The following SRRT variants were observed in gnomAD, a reference collection of about 807,000 sequenced individuals.
SRRT encodes serrate RNA effector molecule homolog.
A neutral mutation model predicts 103.2 loss-of-function variants in SRRT; 32 were observed. The ratio of observed to expected loss-of-function variants is 0.31; its 90% CI spans 0.23 to 0.42. The LOEUF (loss-of-function observed/expected upper bound fraction) is 0.42, where lower values mean the gene tolerates loss of function less well. SRRT is among the 10% of genes least tolerant of loss of function. The pLI is 1.00. For synonymous variants in SRRT, 525 were observed against 449.0 expected, an observed-to-expected ratio of 1.17 and a Z score of -2.14; for missense variants, 986 against 1,207.5, an observed-to-expected ratio of 0.82 and a Z score of 2.72.
At position 100,885,265 on chromosome 7, in the gene SRRT, C is replaced by T. The variant is rs1789984864; in HGVS notation, c.1212C>T (p.Pro404=). 1.2e-6 allele frequency: 2 copies of T among 1,614,114 alleles called. No individual in the cohort carries two copies. Among genetic ancestry groups the T allele is most frequent in the Middle Eastern group, 3.3e-4 (2 of 6,062 alleles). The part of the protein sequence containing the change: ...EKPKEEEWEK[P]KDAAGLECKP... ...CCAAGGAAGAAGAATGGGAGAAGCC[C>T]AAGGACGCCGCGGGGCTGGAGTGCA... The change falls in exon 10 of 20, where the codon CCC becomes CCT. Residue 404 remains proline, a synonymous_variant. Coordinates refer to ENST00000611405, the MANE Select transcript of SRRT (RefSeq NM_015908.6). This position sits in a 1 kb window ranked among gnomAD's most constrained non-coding sequence, Gnocchi z 4.8.
At chr7:100,875,387 CG>C in intron 1 of SRRT, 59 bp downstream of exon 1, 2 of 1,349,374 alleles carry the variant, frequency 1.5e-6, no homozygotes, top group South Asian at 3.1e-5. Context: ...CCGGGGTCCA[CG>C]GGGGCGGGCG....
At chr7:100,875,455 TG>T in intron 1 of SRRT, 117 bp from the exon 2 acceptor site, 1 of 1,537,902 alleles carries the variant, frequency 6.5e-7, no homozygotes, top group Non-Finnish European at 8.7e-7. Context: ...CCTAGGATGG[TG>T]GGGGCCGCGG....
rs369210024 is a variant in SRRT at position 100,888,401 on chromosome 7, C to T, written c.2555+18C>T. 1.1e-4 allele frequency: 172 copies of T among 1,613,218 alleles called. No homozygotes were observed. Among genetic ancestry groups the T allele is most frequent in the Non-Finnish European group, 1.4e-4 (171 of 1,179,520 alleles). On this transcript the variant is annotated intron_variant, in intron 19 of 19. Coordinates refer to ENST00000611405, the MANE Select transcript of SRRT (RefSeq NM_015908.6). ...CGCAACAGGTGAGGAGGGCAGACGC[C>T]CAAGCTTTGTTGCCGCCTGCAGACT...
chr7:100,881,112 T>C (rs1816264088), intron 2 of SRRT, among the ~76,000 whole-genome samples, 173 bp from the exon 3 acceptor site: 1 of 129,028 alleles, frequency 7.8e-6, no homozygotes, highest in African/African-American at 3.1e-5. Context: ...TTTTAAAAAA[T>C]AAAAAATTTT....
rs762969920 is a variant in SRRT at position 100,881,713 on chromosome 7, G to C, written c.306G>C (p.Gly102=). The C allele has an allele frequency of 7.4e-6, 12 of 1,613,968 alleles. No individual in the cohort carries two copies. Among genetic ancestry groups the C allele is most frequent in the African/African-American group, 2.7e-5 (2 of 74,946 alleles). The stretch of plus-strand genomic sequence containing the variant: ...GTGGCTATGAGATGCCCTATGCTGG[G>C]GGGGGTGGGGGCCCAACTTATGGCC... ...YHSGYEMPYA[G]GGGGPTYGPP... is the part of the protein sequence containing the mutation. The change falls in exon 4 of 20, where the codon GGG becomes GGC. Residue 102 remains glycine (G), a synonymous_variant. Coordinates refer to ENST00000611405, the MANE Select transcript of SRRT (RefSeq NM_015908.6).
chr7:100,881,355 C>T lies in SRRT; in HGVS notation c.193C>T (p.Arg65Cys), dbSNP rs564023894. 1.1e-5 allele frequency: 18 copies of T among 1,613,242 alleles called. No homozygotes were observed. The highest frequency in any genetic ancestry group is 1.4e-5 in the Non-Finnish European group (16 of 1,179,798). ...GGACTATGACCGGAATCGGCGAGAG[C>T]GCTTCTCGCCACCTCGCCACGAACT... is the stretch of plus-strand genomic sequence containing the variant. ...YRDYDRNRRE[R>C]FSPPRHELSP... Residue 65 changes from arginine to cysteine, a missense_variant, in exon 3 of 20, where the codon CGC becomes TGC. This residue lies in a region of SRRT where 274 missense variants were observed against 358.5 expected (regional missense o/e 0.76). Coordinates refer to ENST00000611405, the MANE Select transcript of SRRT (RefSeq NM_015908.6).
At position 100,887,109 on chromosome 7, in the gene SRRT, T is replaced by C. The variant is rs1790207055; in HGVS notation, c.1884T>C (p.Cys628=). Residue 628 remains cysteine (C), a synonymous_variant, in exon 15 of 20, where the codon TGT becomes TGC. Coordinates refer to ENST00000611405, the MANE Select transcript of SRRT (RefSeq NM_015908.6). The surrounding 1 kb of genome is among the most constrained non-coding windows in gnomAD (Gnocchi z 4.1). ...ATTCCTTGGATTATTACAACACCTG[T>C]GAGTACCCCAACGAGGACGAGATGC... is the stretch of plus-strand genomic sequence containing the variant. ...IVHSLDYYNT[C]EYPNEDEMPN... 1 of 1,614,208 alleles carries C rather than the reference T, an allele frequency of 6.2e-7. No homozygotes were observed. The highest frequency in any genetic ancestry group is 1.1e-5 in the South Asian group (1 of 91,092).
chr7:100,886,054 C>T lies in SRRT; in HGVS notation c.1458+113C>T, dbSNP rs564816449. On this transcript the variant is annotated intron_variant, in intron 12 of 19. Coordinates refer to ENST00000611405, the MANE Select transcript of SRRT (RefSeq NM_015908.6). ...TTGGTTGTTCTGCACACTCTTTGACCGTTTTGTCTGGCTACGTTGTCTCTG... is the reference window on the plus strand; with the variant it reads ...TTGGTTGTTCTGCACACTCTTTGACTGTTTTGTCTGGCTACGTTGTCTCTG... 139 of 1,383,944 alleles carry T rather than the reference C, an allele frequency of 1.0e-4. No homozygotes were observed. The South Asian group carries it at 1.1e-3, about 11-fold the overall frequency. 85.7% of individuals were successfully genotyped at this position (1,383,944 alleles called of 1,614,324 possible). A position where few individuals can be genotyped will look rare whatever the true frequency, so the allele number is the denominator to read the frequency against.
At chr7:100,886,515 T>C in intron 13 of SRRT, 80 bp downstream of exon 13, 3 of 1,424,154 alleles carry the variant, frequency 2.1e-6, no homozygotes, top group Non-Finnish European at 2.8e-6. Context: ...TACCTATCTG[T>C]AGCCTTGAAC....
Position 100,886,638 on chromosome 7 carries a change from A to G in SRRT, c.1648-157A>G, listed in dbSNP as rs1235962295. ...AGTGATCATTTGTGGCTGGGGTGGA[A>G]CAAAAGCTAAAATAAAGACAAATCT... is the stretch of plus-strand genomic sequence containing the variant. On this transcript the variant is annotated intron_variant, in intron 13 of 19. Coordinates refer to ENST00000611405, the MANE Select transcript of SRRT (RefSeq NM_015908.6). 103 of 1,030,102 alleles carry G rather than the reference A, an allele frequency of 1.0e-4. 1 individual carries two copies. The highest frequency in any genetic ancestry group is 1.4e-4 in the Non-Finnish European group (100 of 702,298). 63.8% of individuals were successfully genotyped at this position (1,030,102 alleles called of 1,614,324 possible).
chr7:100,876,340 C>T (rs1428670669), intron 2 of SRRT, among the ~76,000 whole-genome samples: 2 of 152,048 alleles, frequency 1.3e-5, no homozygotes, highest in East Asian at 1.9e-4. Flanking sequence ...TTAGTAGAGA[C>T]GGGGTTTCAC....
intron 13 of SRRT, 51 bp from the exon 14 acceptor site, chr7:100,886,744 A>G (rs1195487365): frequency 6.3e-6 from 10 of 1,597,720 alleles, no homozygotes; most frequent in South Asian, 1.1e-5. Context: ...GTCTCAGGTT[A>G]CCTCCTCTGA....
At chr7:100,883,847 G>A (rs1677014538) in intron 5 of SRRT, among the ~76,000 whole-genome samples, 1 of 152,182 alleles carries the variant, frequency 6.6e-6, no homozygotes, top group African/African-American at 2.4e-5. Flanking sequence ...AGAGCTCTTA[G>A]TTCCTGGTTC....
At position 100,882,154 on chromosome 7, in the gene SRRT, A is replaced by C; in HGVS notation, c.500A>C (p.Glu167Ala). Residue 167 changes from glutamate to alanine, a missense_variant, in exon 5 of 20, where the codon GAG becomes GCG. This residue lies in a region of SRRT where 274 missense variants were observed against 358.5 expected (regional missense o/e 0.76). Transcript: ENST00000611405. This position sits in a 1 kb window ranked among gnomAD's most constrained non-coding sequence, Gnocchi z 4.2. ...CTGGATGACTCGGTGGATGAGACGGAGGCCGTCAAGCGCTATAATGACTAC... is the reference window on the plus strand; with the variant it reads ...CTGGATGACTCGGTGGATGAGACGGCGGCCGTCAAGCGCTATAATGACTAC... ...LSLDDSVDET[E>A]AVKRYNDYKL... 6.2e-7 allele frequency: 1 copy of C among 1,614,174 alleles called. No individual in the cohort carries two copies. Among genetic ancestry groups the C allele is most frequent in the South Asian group, 1.1e-5 (1 of 91,082 alleles).
At position 100,887,198 on chromosome 7, in the gene SRRT, A is replaced by G. The variant is rs1337969943; in HGVS notation, c.1973A>G (p.Glu658Gly). The change falls in exon 15 of 20, where the codon GAA (glutamate) becomes GGA (glycine). Residue 658 changes from glutamate (E) to glycine (G), a missense_variant and splice_region_variant. This residue lies in a region of SRRT where 349 missense variants were observed against 446.9 expected (regional missense o/e 0.78). Coordinates refer to ENST00000611405, the MANE Select transcript of SRRT (RefSeq NM_015908.6). This position sits in a 1 kb window ranked among gnomAD's most constrained non-coding sequence, Gnocchi z 4.1. ...PMPPNRISHG[E>G]VLEWQKTFEE... ...CCACCCAACCGCATCAGTCACGGGG[A>G]AGGTGAGCTCCAGGTTCCCCTTTGT... is the stretch of plus-strand genomic sequence containing the variant. 6 of 1,613,924 alleles carry G rather than the reference A, an allele frequency of 3.7e-6. No homozygotes were observed. Among genetic ancestry groups the G allele is most frequent in the Non-Finnish European group, 4.2e-6 (5 of 1,179,990 alleles).
chr7:100,888,202 C>T, intron 18 of SRRT, 55 bp from the exon 19 acceptor site: 1 of 1,599,570 alleles, frequency 6.3e-7, no homozygotes, highest in Non-Finnish European at 8.5e-7. Flanking sequence ...GAGAAGAAAA[C>T]AGAGGATGGA....
chr7:100,886,229 A>C lies in SRRT; in HGVS notation c.1459-18A>C, dbSNP rs371588000. 2.5e-4 allele frequency: 399 copies of C among 1,605,010 alleles called. No individual in the cohort carries two copies. Among genetic ancestry groups the C allele is most frequent in the South Asian group, 1.2e-3 (112 of 90,402 alleles). ...GCGGGGTAAGTGGGGTAAGCTGCTG[A>C]TGATGTCTGCCCTCCAGCTCCGGGA... On this transcript the variant is annotated intron_variant, in intron 12 of 19. Transcript: ENST00000611405.
At chr7:100,879,725 T>C (rs1280430086) in intron 2 of SRRT, among the ~76,000 whole-genome samples, 2 of 151,876 alleles carry the variant, frequency 1.3e-5, no homozygotes, top group Non-Finnish European at 2.9e-5. Flanking sequence ...GGAGAATTGC[T>C]TGAGCCCAGG....
chr7:100,883,946 T>C, intron 5 of SRRT, 124 bp from the exon 6 acceptor site: 2 of 1,091,620 alleles, frequency 1.8e-6, no homozygotes, highest in African/African-American at 1.6e-5. Flanking sequence ...TCTCTCTATT[T>C]TGATGACCTT....
Sources: allele counts gnomAD v4.1 joint callset (sites outside exome capture counted in the v4.1 genomes callset), GRCh38; gene constraint gnomAD v4.1.1; regional missense constraint gnomAD v4.1.1; non-coding constraint Gnocchi (gnomAD v3.1); transcripts MANE v1.5; gene names NCBI Gene and HGNC (gene_info 2026-07-23, HGNC 2026-07-21).